The following JCAD variants were observed in gnomAD, a reference collection of about 807,000 sequenced individuals.
The protein encoded by JCAD is junctional cadherin 5-associated protein.
JCAD carries 40 observed loss-of-function variants against 98.0 expected under a neutral mutation model. The observed-to-expected ratio is 0.41, with a 90% CI of 0.32 to 0.53. The LOEUF (loss-of-function observed/expected upper bound fraction) is 0.53, where lower values mean the gene tolerates loss of function less well. Ranked by LOEUF, JCAD falls within the 20% of genes least tolerant of loss-of-function variation. JCAD has a pLI of 0.31. For missense variants in JCAD, 1,705 were observed against 1,738.1 expected (o/e 0.98, Z 0.34); for synonymous variants, 691 against 682.3 (o/e 1.01, Z -0.20).
chr10:30,072,143 G>A (rs1414500044), intron 1 of JCAD, among the ~76,000 whole-genome samples: 1 of 152,018 alleles, frequency 6.6e-6, no homozygotes, highest in Non-Finnish European at 1.5e-5. Flanking sequence ...GGGCAGGGAA[G>A]GGAAGGGAAG....
At chr10:30,052,464 C>T (rs957016210) in intron 1 of JCAD, among the ~76,000 whole-genome samples, 5 of 152,128 alleles carry the variant, frequency 3.3e-5, no homozygotes, top group African/African-American at 9.7e-5. Flanking sequence ...CTTGTGGCCA[C>T]GACACAGAAC....
At chr10:30,017,944 T>C in intron 3 of JCAD, 27 bp from the exon 4 acceptor site, 1 of 1,581,224 alleles carries the variant, frequency 6.3e-7, no homozygotes, top group Non-Finnish European at 8.7e-7. Context: ...GAAAAGAAAA[T>C]TAGTGTTATA....
intron 1 of JCAD, among the ~76,000 whole-genome samples, chr10:30,113,987 A>C (rs1429700277): frequency 2.0e-5 from 3 of 152,168 alleles, no homozygotes; most frequent in African/African-American, 7.2e-5. Context: ...GGGTGCATTA[A>C]AGATTTGAGC....
At chr10:30,018,125 AC>A (rs1356851128) in intron 3 of JCAD, among the ~76,000 whole-genome samples, 9 of 152,162 alleles carry the variant, frequency 5.9e-5, no homozygotes, top group African/African-American at 2.2e-4. Flanking sequence ...CATAGTCATT[AC>A]CCAAACACAG....
intron 1 of JCAD, among the ~76,000 whole-genome samples, chr10:30,070,928 C>T (rs185699506): frequency 2.0e-4 from 30 of 152,262 alleles, no homozygotes; most frequent in African/African-American, 6.0e-4. Context: ...TGTTTTGAGA[C>T]GGAGTCTCGC....
intron 1 of JCAD, among the ~76,000 whole-genome samples, chr10:30,097,292 T>C (rs770116457): frequency 2.0e-5 from 3 of 152,056 alleles, no homozygotes; most frequent in Non-Finnish European, 4.4e-5. Context: ...TACCAGCTGG[T>C]GCTTACTCTA....
chr10:30,092,507 GT>G (rs1838301772), intron 1 of JCAD, among the ~76,000 whole-genome samples: 1 of 152,106 alleles, frequency 6.6e-6, no homozygotes, highest in Admixed American at 6.6e-5. Flanking sequence ...GTTGTTTTTA[GT>G]TTACCAAACC....
At chr10:30,053,067 A>G (rs1281721080) in intron 1 of JCAD, among the ~76,000 whole-genome samples, 9 of 152,182 alleles carry the variant, frequency 5.9e-5, no homozygotes, top group Non-Finnish European at 1.3e-4. Flanking sequence ...AAGCATGGTC[A>G]CCCTCACCTG....
rs754821118 is a variant in JCAD at position 30,027,785 on chromosome 10, A to T, written c.2363T>A (p.Val788Asp). The change falls in exon 3 of 4, where the codon GTC becomes GAC. Residue 788 changes from valine to aspartate, a missense_variant. By Grantham distance (152) the Val-to-Asp change is radical (BLOSUM62 -3). This residue lies in a region of JCAD where 1,278 missense variants were observed against 1,243.1 expected (regional missense o/e 1.03). Coordinates refer to ENST00000375377, the MANE Select transcript of JCAD (RefSeq NM_020848.4). ...CCCAGGGTGGGCTCCAAGCCCGTGG[A>T]CATCCACGCAGGGCTGACTTCGGCC... ...KAGRSQPCVD[V>D]HGLGAHPGPK... The T allele has an allele frequency of 3.7e-6, 6 of 1,614,082 alleles. No homozygotes were observed. The highest frequency in any genetic ancestry group is 5.1e-6 in the Non-Finnish European group (6 of 1,180,024).
rs1015742619 is a variant in JCAD, at chr10:30,026,560, C to A, written c.3588G>T (p.Leu1196Phe). 1.2e-5 allele frequency: 19 copies of A among 1,614,176 alleles called. No individual in the cohort carries two copies. The highest frequency in any genetic ancestry group is 1.4e-5 in the Non-Finnish European group (17 of 1,180,032). ...DPVPEPEPSP[L>F]ESKFFEQKDV... ...CCTTTTGTTCGAAGAACTTGGACTC[C>A]AAGGGGCTGGGCTCAGGCTCAGGGA... is the stretch of plus-strand genomic sequence containing the variant. Residue 1196 changes from leucine (L) to phenylalanine (F), a missense_variant, in exon 3 of 4, where the codon TTG becomes TTT. By Grantham distance (22) the Leu-to-Phe change is conservative. Around this residue, in one of 3 missense-constraint regions of JCAD, gnomAD observed 1,278 missense variants for 1,243.1 expected, o/e 1.03. Coordinates refer to ENST00000375377, the MANE Select transcript of JCAD (RefSeq NM_020848.4).
At chr10:30,019,854 T>C (rs1284838458) in intron 3 of JCAD, among the ~76,000 whole-genome samples, 1 of 151,986 alleles carries the variant, frequency 6.6e-6, no homozygotes. Context: ...TCACAATCTA[T>C]AGATGAATCA....
intron 3 of JCAD, among the ~76,000 whole-genome samples, chr10:30,023,163 A>C (rs1396518120): frequency 6.6e-6 from 1 of 151,958 alleles, no homozygotes; most frequent in Non-Finnish European, 1.5e-5. Flanking sequence ...TCAGCCTCCC[A>C]AGTAATTGGG....
chr10:30,057,981 G>A (rs1216512809), intron 1 of JCAD, among the ~76,000 whole-genome samples: 3 of 152,132 alleles, frequency 2.0e-5, no homozygotes, highest in Non-Finnish European at 2.9e-5. Flanking sequence ...TTGCTTTGCC[G>A]GGTGGTCTTA....
chr10:30,071,387 A>G (rs1837887447), intron 1 of JCAD, among the ~76,000 whole-genome samples: 2 of 152,202 alleles, frequency 1.3e-5, no homozygotes, highest in Non-Finnish European at 2.9e-5. Flanking sequence ...GGAAATGGTG[A>G]CAGACTGAGG....
At chr10:30,063,433 G>C (rs1489369257), upstream of JCAD, among the ~76,000 whole-genome samples, 1 of 152,110 alleles carries the variant, frequency 6.6e-6, no homozygotes, top group Admixed American at 6.5e-5. Flanking sequence ...CCAAGATCTT[G>C]TTTCTCTAAC....
At chr10:30,099,506 A>G (rs1002815256) in intron 1 of JCAD, among the ~76,000 whole-genome samples, 2 of 152,174 alleles carry the variant, frequency 1.3e-5, no homozygotes, top group Admixed American at 6.5e-5. Context: ...AGCACTTATT[A>G]TGTTCCAGGC....
Position 30,113,548 on chromosome 10 carries a change from C to CAAAAAAA in JCAD, n.128+1812_128+1818dup, listed in dbSNP as rs71023545. Among the ~76,000 whole-genome samples the CAAAAAAA allele has an allele frequency of 1.0e-3, 16 of 15,966 alleles. 4 individuals are homozygous for CAAAAAAA. The highest frequency in any genetic ancestry group is 1.6e-3 in the African/African-American group (8 of 4,898). The allele number at this position is 15,966 out of a possible 152,430, so 10.5% of individuals were successfully genotyped here. A position where few individuals can be genotyped will look rare whatever the true frequency, so the allele number is the denominator to read the frequency against. ...CCTGGGCGACAGAGCGAGACACTGT[C>CAAAAAAA]AAAAAAAAAAAAAAAAAAAAAAAAA... is the stretch of plus-strand genomic sequence containing the variant. On this transcript the variant is annotated intron_variant and non_coding_transcript_variant, in intron 1 of 2. Coordinates refer to the JCAD transcript ENST00000465712.
At chr10:30,038,472 C>A (rs1455312583) in intron 2 of JCAD, among the ~76,000 whole-genome samples, 1 of 151,684 alleles carries the variant, frequency 6.6e-6, no homozygotes, top group Non-Finnish European at 1.5e-5. Context: ...TCGCTTGAGC[C>A]CAGGAGTTAG....
In JCAD at chr10:30,017,106, C is replaced by G. The variant is rs2132597232; in HGVS notation, c.*777G>C. 1 of 152,136 alleles carries G rather than the reference C, an allele frequency of 6.6e-6. No individual in the cohort carries two copies. The highest frequency in any genetic ancestry group is 6.6e-5 in the Admixed American group (1 of 15,266). The allele number at this position is 152,136 out of a possible 1,614,324, so 9.4% of individuals were successfully genotyped here. A position where few individuals can be genotyped will look rare whatever the true frequency, so the allele number is the denominator to read the frequency against. The stretch of plus-strand genomic sequence containing the variant: ...AATATAGTCACTTTGTTAAAATGGT[C>G]TATTTTAAACCAGCAATTATTTTTC... On this transcript the variant is annotated 3_prime_UTR_variant, in exon 4 of 4. Transcript: ENST00000375377.
Sources: gnomAD v4.1 joint callset for allele counts (sites outside exome capture counted in the v4.1 genomes callset) on GRCh38, gnomAD v4.1.1 for gene constraint, gnomAD v4.1.1 regional missense constraint, MANE v1.5 for transcripts, NCBI Gene and HGNC (gene_info 2026-07-23, HGNC 2026-07-21) for gene names.